Variants in RBMS3 observed in about 807,000 individuals in gnomAD.
RBMS3 encodes RNA binding motif single stranded interacting protein 3.
A neutral mutation model predicts 66.8 loss-of-function variants in RBMS3; 27 were observed. That is an observed-to-expected ratio of 0.40 (90% CI 0.30 to 0.56). RBMS3 has a LOEUF of 0.56. Ranked by LOEUF, RBMS3 falls within the 20% of genes least tolerant of loss-of-function variation. RBMS3 has a pLI of 0.40. For missense variants in RBMS3, 513 were observed against 549.5 expected (o/e 0.93, Z 0.66); for synonymous variants, 188 against 183.0 (o/e 1.03, Z -0.22).
intron 6 of RBMS3, among the ~76,000 whole-genome samples, chr3:29,851,656 A>G (rs1366352461): frequency 6.6e-6 from 1 of 152,212 alleles, no homozygotes; most frequent in Non-Finnish European, 1.5e-5. Flanking sequence ...TATAATTCAT[A>G]TCAGATCTTA....
At chr3:29,751,792 G>C (rs996491030) in intron 5 of RBMS3, among the ~76,000 whole-genome samples, 3 of 152,164 alleles carry the variant, frequency 2.0e-5, no homozygotes, top group Non-Finnish European at 4.4e-5. Flanking sequence ...TAGGCAGCCC[G>C]CAGCACTCAA....
chr3:29,582,558 A>G (rs965604957), intron 3 of RBMS3, among the ~76,000 whole-genome samples: 2 of 152,220 alleles, frequency 1.3e-5, no homozygotes, highest in African/African-American at 4.8e-5. Flanking sequence ...CACTTGGGCC[A>G]GAGTTTCTGA....
chr3:29,823,218 T>G (rs1280579807), intron 6 of RBMS3, among the ~76,000 whole-genome samples: 1 of 152,136 alleles, frequency 6.6e-6, no homozygotes, highest in Non-Finnish European at 1.5e-5. Flanking sequence ...ACCTCTTCAT[T>G]TTCTTCCCCA....
chr3:29,575,635 T>A (rs964331346), intron 3 of RBMS3, among the ~76,000 whole-genome samples: 11 of 152,118 alleles, frequency 7.2e-5, no homozygotes, highest in Admixed American at 3.9e-4. Context: ...CAAATAACTC[T>A]TATATTTGCC....
intron 4 of RBMS3, among the ~76,000 whole-genome samples, chr3:29,694,902 C>A (rs2052198166): frequency 6.6e-6 from 1 of 151,598 alleles, no homozygotes. Flanking sequence ...ATTCATGTAA[C>A]AATTGTCAGG....
chr3:29,988,332 C>G, intron 13 of RBMS3, 109 bp downstream of exon 13: 1 of 821,474 alleles, frequency 1.2e-6, no homozygotes, highest in Non-Finnish European at 1.9e-6. Flanking sequence ...TTGTGCTACT[C>G]TAAAATATGA....
intron 3 of RBMS3, among the ~76,000 whole-genome samples, chr3:29,497,973 A>ACTTTTTT (rs2043818679): frequency 6.9e-5 from 3 of 43,438 alleles, no homozygotes; most frequent in Admixed American, 3.5e-4. Flanking sequence ...AAAAGTATTC[A>ACTTTTTT]TTTTTTTTTT....
At position 29,332,334 on chromosome 3, in the gene RBMS3, T is replaced by C. The variant is rs547866491; in HGVS notation, c.75+50578T>C. 4.8e-4 allele frequency among the ~76,000 whole-genome samples: 73 copies of C among 152,274 alleles called. No individual in the cohort carries two copies. The South Asian group carries it at 0.01, about 22-fold the overall frequency. ...GAACATTCTCTTGCCTCCTTTTGTT[T>C]TTTTTCCTAAGGTCTTTATTCACAA... On this transcript the variant is annotated intron_variant, in intron 1 of 14. Coordinates refer to ENST00000383767, the MANE Select transcript of RBMS3 (RefSeq NM_001003793.3).
chr3:29,675,857 G>T (rs1486300701), intron 4 of RBMS3, among the ~76,000 whole-genome samples: 2 of 152,206 alleles, frequency 1.3e-5, no homozygotes, highest in Non-Finnish European at 2.9e-5. Context: ...CATTGTGGAA[G>T]ACAGTGTGGT....
intron 4 of RBMS3, chr3:29,698,729 A>G (rs2052391941): frequency 1.9e-6 from 1 of 519,056 alleles, no homozygotes; most frequent in African/African-American, 2.1e-5. Context: ...CTTAATGTTT[A>G]TTAAGGAGAG....
At chr3:29,579,838 G>T (rs939288824) in intron 3 of RBMS3, among the ~76,000 whole-genome samples, 1 of 152,236 alleles carries the variant, frequency 6.6e-6, no homozygotes, top group East Asian at 1.9e-4. Flanking sequence ...TAAAATAATG[G>T]TTGGTCTTTG....
chr3:29,428,439 A>G (rs565522644), intron 1 of RBMS3, among the ~76,000 whole-genome samples: 4 of 152,244 alleles, frequency 2.6e-5, no homozygotes, highest in African/African-American at 9.6e-5. Flanking sequence ...GCTCATATAT[A>G]TTCACTACAA....
intron 3 of RBMS3, among the ~76,000 whole-genome samples, chr3:29,559,995 T>C (rs1290109739): frequency 2.0e-5 from 3 of 152,334 alleles, no homozygotes; most frequent in Middle Eastern, 6.8e-3. Context: ...TGTTAGTGCA[T>C]TACATCCTCA....
intron 1 of RBMS3, among the ~76,000 whole-genome samples, chr3:29,308,132 A>G (rs1333993548): frequency 6.6e-6 from 1 of 151,916 alleles, no homozygotes; most frequent in Non-Finnish European, 1.5e-5. Context: ...TTATTTTTAA[A>G]TACTTGTCAG....
chr3:29,644,393 G>T (rs2149202162), intron 4 of RBMS3, among the ~76,000 whole-genome samples: 1 of 152,216 alleles, frequency 6.6e-6, no homozygotes, highest in South Asian at 2.1e-4. Context: ...TGCCACTAGG[G>T]GCTGCATAGT....
chr3:29,774,694 G>T (rs1183873814), intron 6 of RBMS3, among the ~76,000 whole-genome samples: 7 of 151,946 alleles, frequency 4.6e-5, no homozygotes, highest in African/African-American at 1.7e-4. Context: ...ATTCTCTCAT[G>T]AATGTAAAGT....
intron 4 of RBMS3, among the ~76,000 whole-genome samples, chr3:29,620,482 G>A (rs554321904): frequency 1.3e-5 from 2 of 152,058 alleles, no homozygotes; most frequent in Admixed American, 6.6e-5. Flanking sequence ...AATCTTAGGG[G>A]CTACAATTAC....
At chr3:29,612,777 A>G (rs1276484793) in intron 4 of RBMS3, among the ~76,000 whole-genome samples, 22 of 152,162 alleles carry the variant, frequency 1.4e-4, no homozygotes, top group Admixed American at 1.4e-3. Flanking sequence ...CTTTTTGGCC[A>G]GTAGTCACAC....
At chr3:29,733,902 C>T (rs529150363) in intron 4 of RBMS3, among the ~76,000 whole-genome samples, 8 of 151,942 alleles carry the variant, frequency 5.3e-5, no homozygotes, top group East Asian at 1.9e-4. Context: ...GTCTTTAAGC[C>T]GTTTTGAGAT....
Sources: gnomAD v4.1 joint callset for allele counts (sites outside exome capture counted in the v4.1 genomes callset) on GRCh38, gnomAD v4.1.1 for gene constraint, MANE v1.5 for transcripts, NCBI Gene and HGNC (gene_info 2026-07-23, HGNC 2026-07-21) for gene names.